The following MYO5A variants were observed in gnomAD, a reference collection of about 807,000 sequenced individuals.
MYO5A encodes unconventional myosin-Va.
MYO5A carries 98 observed loss-of-function variants against 249.7 expected under a neutral mutation model. The ratio of observed to expected loss-of-function variants is 0.39; its 90% confidence interval spans 0.33 to 0.46. The LOEUF (loss-of-function observed/expected upper bound fraction) is 0.46. Among genes scored for constraint, MYO5A ranks in the 20% least tolerant of loss-of-function variants. The probability of loss-of-function intolerance (pLI) is 0.98; values close to 1 mark genes in which losing one functional copy is unlikely to be tolerated. For synonymous variants in MYO5A, 778 were observed against 810.6 expected, an observed-to-expected ratio of 0.96 and a Z score of 0.68; for missense variants, 1,696 against 2,308.8, an observed-to-expected ratio of 0.73 and a Z score of 5.44.
At chr15:52,381,782 T>TCTCACACA (rs11280608) in intron 16 of MYO5A, among the ~76,000 whole-genome samples, 46,582 of 137,612 alleles carry the variant, frequency 0.34, 9,176 homozygotes, top group Non-Finnish European at 0.43. Flanking sequence ...TCTCTCTCTC[T>TCTCACACA]CACACACACA....
At chr15:52,389,441 C>T in intron 12 of MYO5A, 78 bp from the exon 13 acceptor site, 1 of 1,388,782 alleles carries the variant, frequency 7.2e-7, no homozygotes, top group African/African-American at 1.5e-5. Flanking sequence ...GTCAAAAGAT[C>T]TTTTATTTTT....
chr15:52,340,952 C>CAA lies in MYO5A; in HGVS notation c.4041-560_4041-559dup, dbSNP rs71676013. Among the ~76,000 whole-genome samples the CAA allele has an allele frequency of 7.3e-4, 57 of 78,034 alleles. 1 individual carries two copies. Among genetic ancestry groups the CAA allele is most frequent in the African/African-American group, 1.9e-3 (53 of 27,772 alleles). 51.2% of individuals were successfully genotyped at this position (78,034 alleles called of 152,430 possible). On this transcript the variant is annotated intron_variant, in intron 31 of 41. Transcript: ENST00000399233. Reference sequence around the variant, plus strand: ...AACAAACAAGAGCAAAACTTCGTCTCAAAAAAAAAAAAAGAGGGTCATAGG... The same window carrying CAA: ...AACAAACAAGAGCAAAACTTCGTCTCAAAAAAAAAAAAAAAGAGGGTCATAGG...
intron 21 of MYO5A, 59 bp downstream of exon 21, chr15:52,372,065 T>G: frequency 6.2e-7 from 1 of 1,610,576 alleles, no homozygotes. Context: ...ATATTGAAAA[T>G]AATCCTGGTG....
chr15:52,360,825 G>A (rs551687913), intron 24 of MYO5A, among the ~76,000 whole-genome samples: 2 of 152,276 alleles, frequency 1.3e-5, no homozygotes, highest in African/African-American at 4.8e-5. Context: ...AATAACTTGA[G>A]GGAAGAAGGA....
chr15:52,509,701 C>T (rs2077351030), intron 1 of MYO5A, among the ~76,000 whole-genome samples: 2 of 152,150 alleles, frequency 1.3e-5, no homozygotes, highest in African/African-American at 4.8e-5. Context: ...AAAGATCAGG[C>T]ACTGCTCTCT....
intron 9 of MYO5A, among the ~76,000 whole-genome samples, chr15:52,402,639 G>A (rs1360719936): frequency 3.3e-5 from 5 of 152,142 alleles, no homozygotes; most frequent in African/African-American, 1.2e-4. Context: ...GAGGTCAGGA[G>A]TTCGAGATCA....
At chr15:52,510,885 C>T (rs2077376908) in intron 1 of MYO5A, among the ~76,000 whole-genome samples, 2 of 152,212 alleles carry the variant, frequency 1.3e-5, no homozygotes, top group Non-Finnish European at 2.9e-5. Flanking sequence ...CACTGACTTT[C>T]ATTTAATTGT....
chr15:52,374,358 CT>C (rs552218726), intron 20 of MYO5A, among the ~76,000 whole-genome samples: 54 of 152,320 alleles, frequency 3.5e-4, no homozygotes, highest in African/African-American at 1.3e-3. Flanking sequence ...TTGGAATAAC[CT>C]TTAACCTGTT....
chr15:52,356,391 CT>C (rs1308009024), intron 25 of MYO5A, among the ~76,000 whole-genome samples: 3 of 151,970 alleles, frequency 2.0e-5, no homozygotes, highest in Non-Finnish European at 4.4e-5. Flanking sequence ...TTTTCTTAGT[CT>C]TTTTCTCTAT....
chr15:52,370,025 G>A, intron 22 of MYO5A, 144 bp downstream of exon 22: 2 of 1,092,264 alleles, frequency 1.8e-6, no homozygotes, highest in Admixed American at 3.5e-5. Context: ...AAATGCTTGG[G>A]AAACAGTAAT....
chr15:52,433,593 T>C (rs933646098), intron 1 of MYO5A, among the ~76,000 whole-genome samples: 1 of 151,750 alleles, frequency 6.6e-6, no homozygotes, highest in African/African-American at 2.4e-5. Context: ...GCTAATTTTT[T>C]TGTTTTTAAT....
At chr15:52,382,349 G>A (rs896398736) in intron 16 of MYO5A, among the ~76,000 whole-genome samples, 21 of 152,120 alleles carry the variant, frequency 1.4e-4, no homozygotes, top group Admixed American at 1.2e-3. Context: ...GAGTGGGGAC[G>A]GATCACGAAG....
At chr15:52,392,187 G>C (rs1474579330) in intron 11 of MYO5A, 117 bp from the exon 12 acceptor site, 1 of 988,630 alleles carries the variant, frequency 1.0e-6, no homozygotes. Flanking sequence ...ACAACCTCAC[G>C]GGAGAAGCAT....
intron 1 of MYO5A, among the ~76,000 whole-genome samples, chr15:52,507,006 T>C (rs2414157): frequency 0.062 from 9,459 of 152,296 alleles, 989 homozygotes; most frequent in African/African-American, 0.22. Flanking sequence ...AACAAATGTT[T>C]CTATTCCTTT....
At chr15:52,450,544 C>T (rs1250920472) in intron 1 of MYO5A, among the ~76,000 whole-genome samples, 1 of 151,694 alleles carries the variant, frequency 6.6e-6, no homozygotes, top group Non-Finnish European at 1.5e-5. Flanking sequence ...TGGTGCACGC[C>T]TGTAGTCCCA....
At chr15:52,503,363 T>G (rs1189552584) in intron 1 of MYO5A, among the ~76,000 whole-genome samples, 1 of 152,164 alleles carries the variant, frequency 6.6e-6, no homozygotes, top group African/African-American at 2.4e-5. Context: ...GGCTCACACC[T>G]GTAAATGCCA....
At chr15:52,526,685 G>T (rs1218419638) in intron 1 of MYO5A, among the ~76,000 whole-genome samples, 1 of 152,016 alleles carries the variant, frequency 6.6e-6, no homozygotes. Flanking sequence ...TAGAGACCAG[G>T]TCTCATTATG....
Position 52,319,056 on chromosome 15 carries a change from T to C in MYO5A, c.5234+4A>G, listed in dbSNP as rs1384527255. On this transcript the variant is annotated splice_donor_region_variant and intron_variant, in intron 39 of 41. Coordinates refer to ENST00000399233, the MANE Select transcript of MYO5A (RefSeq NM_001382347.1). Reference sequence around the variant, plus strand: ...CACTGTCGCAGGTGTTGGCATTTGCTCACCTGATCTGCATGCCTTTACTCC... The same window carrying C: ...CACTGTCGCAGGTGTTGGCATTTGCCCACCTGATCTGCATGCCTTTACTCC... 6.2e-7 allele frequency: 1 copy of C among 1,614,124 alleles called. No homozygotes were observed.
At chr15:52,450,155 A>T (rs573303843) in intron 1 of MYO5A, among the ~76,000 whole-genome samples, 2 of 152,088 alleles carry the variant, frequency 1.3e-5, no homozygotes, top group South Asian at 2.1e-4. Context: ...CCCATCTCAA[A>T]AATAATAATA....
Sources: gnomAD v4.1 joint callset for allele counts (sites outside exome capture counted in the v4.1 genomes callset) on GRCh38, gnomAD v4.1.1 for gene constraint, MANE v1.5 for transcripts, NCBI Gene and HGNC (gene_info 2026-07-23, HGNC 2026-07-21) for gene names.